Variants in PLA1A observed in about 807,000 individuals in gnomAD.
PLA1A encodes phosphatidylserine-specific phospholipase A1alpha.
Under a neutral mutation model 49.4 loss-of-function variants are expected in PLA1A, and 47 were observed. The ratio of observed to expected loss-of-function variants is 0.95; its 90% CI spans 0.75 to 1.21. PLA1A has a LOEUF of 1.21. PLA1A is among the 50% of genes most tolerant of loss of function. The probability of loss-of-function intolerance (pLI) is 0.00; values close to 1 mark genes in which losing one functional copy is unlikely to be tolerated. For synonymous variants in PLA1A, 224 were observed against 207.9 expected (o/e 1.08, Z -0.67); for missense variants, 561 against 563.9 (o/e 0.99, Z 0.05).
rs779448679 is a variant in PLA1A, at chr3:119,606,819, G to T, written c.119G>T (p.Ser40Ile). 1.2e-6 allele frequency: 2 copies of T among 1,614,122 alleles called. No individual in the cohort carries two copies. The highest frequency in any genetic ancestry group is 1.7e-6 in the Non-Finnish European group (2 of 1,180,020). Reference sequence around the variant, plus strand: ...CAGCCAAAGTGCGCTGACTTCCAGAGCGCCAACCTTTTTGAAGGCACCGAT... The same window carrying T: ...CAGCCAAAGTGCGCTGACTTCCAGATCGCCAACCTTTTTGAAGGCACCGAT... Reference protein sequence around the residue: ...TPQPKCADFQSANLFEGTDLK... With the variant: ...TPQPKCADFQIANLFEGTDLK... The change falls in exon 2 of 11, where the codon AGC becomes ATC. Residue 40 changes from serine to isoleucine, a missense_variant. Ser to Ile is a moderately radical substitution (Grantham distance 142, BLOSUM62 -2). Transcript: ENST00000273371.
At position 119,597,921 on chromosome 3, in the gene PLA1A, C is replaced by A; in HGVS notation, c.8C>A (p.Pro3Gln). The A allele has an allele frequency of 1.2e-6, 2 of 1,608,542 alleles. No individual in the cohort carries two copies. Among genetic ancestry groups the A allele is most frequent in the Non-Finnish European group, 1.7e-6 (2 of 1,176,762 alleles). The part of the protein sequence containing the change: MP[P>Q]GPWESCFWVG... ...GAGATTTCCAGCTCAGCGATGCCCC[C>A]AGGTCCCTGGGAGAGCTGCTTCTGG... Residue 3 changes from proline to glutamine, a missense_variant, in exon 1 of 11, where the codon CCA becomes CAA. Physicochemically the swap from Pro to Gln is moderately conservative, Grantham distance 76 (BLOSUM62 -1). Transcript: ENST00000273371.
In PLA1A at chr3:119,609,449, A is replaced by C; in HGVS notation, c.454-19A>C. ...AGACTCTGTGGCCCACGGGGAACTC[A>C]CTGTTCCTGCTCTTCTAGGTGCTGG... On this transcript the variant is annotated intron_variant, in intron 3 of 10. Transcript: ENST00000273371. The C allele has an allele frequency of 6.7e-7, 1 of 1,498,912 alleles. No individual in the cohort carries two copies. Among genetic ancestry groups the C allele is most frequent in the Non-Finnish European group, 9.3e-7 (1 of 1,075,028 alleles). The allele number at this position is 1,498,912 out of a possible 1,614,324, so 92.9% of individuals were successfully genotyped here.
At chr3:119,622,790 G>C (rs1384781446) in intron 8 of PLA1A, among the ~76,000 whole-genome samples, 1 of 151,726 alleles carries the variant, frequency 6.6e-6, no homozygotes, top group Non-Finnish European at 1.5e-5. Context: ...AAAAAAAAAA[G>C]GACAGTGTGT....
chr3:119,608,891 G>C lies in PLA1A; in HGVS notation c.397G>C (p.Val133Leu). The C allele has an allele frequency of 6.2e-7, 1 of 1,614,032 alleles. No homozygotes were observed. The highest frequency in any genetic ancestry group is 8.5e-7 in the Non-Finnish European group (1 of 1,179,886). Reference protein sequence around the residue: ...YGSTGVYFSAVKNVIKLSLEI... With the variant: ...YGSTGVYFSALKNVIKLSLEI... ...GTCTACAGGAGTCTACTTCTCAGCT[G>C]TGAAAAATGTGATTAAGTTGAGCCT... Residue 133 changes from valine to leucine, a missense_variant, in exon 3 of 11, where the codon GTG becomes CTG. Transcript: ENST00000273371.
intron 10 of PLA1A, among the ~76,000 whole-genome samples, chr3:119,629,126 T>C (rs942503660): frequency 3.9e-5 from 6 of 152,232 alleles, no homozygotes; most frequent in Non-Finnish European, 2.9e-5. Flanking sequence ...TATTTTCTCC[T>C]CTGTGGCCTC....
chr3:119,606,930 G>A lies in PLA1A; in HGVS notation c.230G>A (p.Gly77Glu), dbSNP rs769491091. 1.9e-6 allele frequency: 3 copies of A among 1,614,000 alleles called. No homozygotes were observed. In the East Asian group the frequency reaches 6.7e-5, roughly 36 times the overall value. The stretch of plus-strand genomic sequence containing the variant: ...GGAAGCAGTGACCTCCAAAACTCTG[G>A]GTTCAATGCCACTCTGGGAACCAAA... ...VEGSSDLQNS[G>E]FNATLGTKLI... The change falls in exon 2 of 11, where the codon GGG (glycine) becomes GAG (glutamate). Residue 77 changes from glycine to glutamate, a missense_variant. Transcript: ENST00000273371.
intron 1 of PLA1A, among the ~76,000 whole-genome samples, chr3:119,605,199 C>T (rs910558271): frequency 2.0e-5 from 3 of 152,208 alleles, no homozygotes; most frequent in African/African-American, 4.8e-5. Context: ...AAGCCACAGG[C>T]TGAAGAGCTT....
At chr3:119,622,846 A>T (rs769101743) in intron 8 of PLA1A, among the ~76,000 whole-genome samples, 2 of 152,078 alleles carry the variant, frequency 1.3e-5, no homozygotes, top group Non-Finnish European at 1.5e-5. Flanking sequence ...ATTTATTTAG[A>T]GACAGAGTCT....
chr3:119,621,916 G>C (rs1036290315), intron 8 of PLA1A, among the ~76,000 whole-genome samples: 4 of 152,122 alleles, frequency 2.6e-5, no homozygotes, highest in African/African-American at 9.7e-5. Context: ...GGGGCCTCCA[G>C]GGTAAGTGAA....
intron 1 of PLA1A, among the ~76,000 whole-genome samples, chr3:119,604,225 A>T (rs748822193): frequency 6.6e-6 from 1 of 152,250 alleles, no homozygotes; most frequent in South Asian, 2.1e-4. Flanking sequence ...GAACTTCCAT[A>T]TGATCCAGCA....
chr3:119,615,904 A>C, intron 5 of PLA1A, 108 bp from the exon 6 acceptor site: 1 of 702,744 alleles, frequency 1.4e-6, no homozygotes, highest in Non-Finnish European at 2.6e-6. Flanking sequence ...CACAGCACTT[A>C]GAAGTGACGT....
At chr3:119,601,396 T>A (rs2082616888) in intron 1 of PLA1A, among the ~76,000 whole-genome samples, 1 of 152,154 alleles carries the variant, frequency 6.6e-6, no homozygotes, top group African/African-American at 2.4e-5. Context: ...ACATGGGTGT[T>A]ACCAGGCCTT....
intron 7 of PLA1A, among the ~76,000 whole-genome samples, chr3:119,619,077 C>G (rs559309618): frequency 6.6e-6 from 1 of 152,334 alleles, no homozygotes; most frequent in South Asian, 2.1e-4. Context: ...CACTGAACAC[C>G]TGGTGGTGCT....
In PLA1A at chr3:119,601,417, CTCTAACACTTCT is replaced by C. The variant is rs1490370295; in HGVS notation, c.73+3434_73+3445del. 1.1e-4 allele frequency among the ~76,000 whole-genome samples: 16 copies of C among 152,196 alleles called. 1 individual carries two copies. ...GTGTTACCAGGCCTTACTCACCCTT[CTCTAACACTTCT>C]TCAGTGTCAAAGACTCAAGAATAGA... On this transcript the variant is annotated intron_variant, in intron 1 of 10. Coordinates refer to ENST00000273371, the MANE Select transcript of PLA1A (RefSeq NM_015900.4).
At chr3:119,608,242 G>GAGAA (rs560277882) in intron 2 of PLA1A, among the ~76,000 whole-genome samples, 22,036 of 123,542 alleles carry the variant, frequency 0.18, 2,012 homozygotes, top group East Asian at 0.26. Context: ...GAAAGAAAGA[G>GAGAA]AGAAAGAAAG....
In PLA1A at chr3:119,629,706, T is replaced by C. The variant is rs1479662468; in HGVS notation, c.*238T>C. 4 of 476,774 alleles carry C rather than the reference T, an allele frequency of 8.4e-6. No individual in the cohort carries two copies. Among genetic ancestry groups the C allele is most frequent in the Non-Finnish European group, 1.5e-5 (4 of 269,064 alleles). The allele number at this position is 476,774 out of a possible 1,614,324, so 29.5% of individuals were successfully genotyped here. ...CCCATTTTAGCTTTCCCATGCATAC[T>C]TAACTGCACTTGCTTTATCTCCTTG... On this transcript the variant is annotated 3_prime_UTR_variant, in exon 11 of 11. Transcript: ENST00000273371.
chr3:119,604,864 G>A (rs1352764244), intron 1 of PLA1A, among the ~76,000 whole-genome samples: 3 of 151,934 alleles, frequency 2.0e-5, no homozygotes, highest in Non-Finnish European at 4.4e-5. Context: ...AAAATGGAGG[G>A]GGTGTTTTTA....
chr3:119,622,433 A>C (rs545754316), intron 8 of PLA1A, among the ~76,000 whole-genome samples: 239 of 152,302 alleles, frequency 1.6e-3, no homozygotes, highest in Non-Finnish European at 1.5e-3. Context: ...GGAGAGACAG[A>C]CAGGGTGTGG....
intron 1 of PLA1A, among the ~76,000 whole-genome samples, chr3:119,606,176 C>A (rs1295458182): frequency 6.6e-6 from 1 of 152,204 alleles, no homozygotes; most frequent in Non-Finnish European, 1.5e-5. Context: ...TATTGCCTCA[C>A]AATTCTGGAG....
Sources: gnomAD v4.1 joint callset for allele counts (sites outside exome capture counted in the v4.1 genomes callset) on GRCh38, gnomAD v4.1.1 for gene constraint, MANE v1.5 for transcripts, NCBI Gene and HGNC (gene_info 2026-07-23, HGNC 2026-07-21) for gene names.